Variants in OSBPL1A observed in about 807,000 individuals in gnomAD.
OSBPL1A encodes oxysterol binding protein like 1A.
Under a neutral mutation model 137.1 loss-of-function variants are expected in OSBPL1A, and 80 were observed. The observed-to-expected ratio is 0.58, with a 90% CI of 0.49 to 0.70. The LOEUF is 0.70. OSBPL1A is among the 30% of genes least tolerant of loss of function. OSBPL1A has a pLI of 0.00. For missense variants in OSBPL1A, 970 were observed against 1,129.4 expected, an observed-to-expected ratio of 0.86 and a Z score of 2.02; for synonymous variants, 365 against 389.7, an observed-to-expected ratio of 0.94 and a Z score of 0.75.
In OSBPL1A at chr18:24,280,699, A is replaced by C. The variant is rs2089938635; in HGVS notation, c.1281+143T>G. On this transcript the variant is annotated intron_variant, in intron 15 of 27. Coordinates refer to ENST00000319481, the MANE Select transcript of OSBPL1A (RefSeq NM_080597.4). The stretch of plus-strand genomic sequence containing the variant: ...GCTTAATCAATAATAAATAAGTTCT[A>C]AATTTTTGTGACAAATGAAGCTTTC... The C allele has an allele frequency of 6.3e-6, 3 of 478,576 alleles. No individual in the cohort carries two copies. The South Asian group carries it at 1.6e-4, about 25-fold the overall frequency. 29.6% of individuals were successfully genotyped at this position (478,576 alleles called of 1,614,324 possible).
At chr18:24,278,251 A>G (rs954600219) in intron 15 of OSBPL1A, among the ~76,000 whole-genome samples, 8 of 152,242 alleles carry the variant, frequency 5.3e-5, no homozygotes, top group Admixed American at 5.2e-4. Context: ...CAACACGATC[A>G]TTCCAATGAT....
intron 5 of OSBPL1A, among the ~76,000 whole-genome samples, chr18:24,335,190 T>G (rs2091154339): frequency 6.6e-6 from 1 of 152,250 alleles, no homozygotes; most frequent in African/African-American, 2.4e-5. Context: ...CTTGCCTATT[T>G]TTATATCTTT....
At chr18:24,314,162 G>T in intron 12 of OSBPL1A, 87 bp downstream of exon 12, 1 of 773,252 alleles carries the variant, frequency 1.3e-6, no homozygotes, top group Non-Finnish European at 2.1e-6. Context: ...CAAGATGTTG[G>T]ATGTTACCAC....
At chr18:24,273,771 G>C (rs1235594809) in intron 15 of OSBPL1A, among the ~76,000 whole-genome samples, 1 of 152,156 alleles carries the variant, frequency 6.6e-6, no homozygotes, top group Non-Finnish European at 1.5e-5. Context: ...AACTCATGGA[G>C]CAGCAGGGAC....
intron 19 of OSBPL1A, among the ~76,000 whole-genome samples, chr18:24,180,871 T>C (rs563827463): frequency 8.6e-5 from 13 of 151,096 alleles, no homozygotes; most frequent in Admixed American, 2.6e-4. Context: ...AGCGAGACTC[T>C]GTCTCACACA....
At chr18:24,257,909 C>T (rs2089330293) in intron 15 of OSBPL1A, among the ~76,000 whole-genome samples, 1 of 152,162 alleles carries the variant, frequency 6.6e-6, no homozygotes, top group Non-Finnish European at 1.5e-5. Flanking sequence ...AAATGCAAAT[C>T]AAACTACGAT....
intron 4 of OSBPL1A, chr18:24,364,776 C>T (rs2091677518): frequency 6.6e-6 from 1 of 151,986 alleles, no homozygotes; most frequent in South Asian, 2.1e-4. Flanking sequence ...AATCCCGACA[C>T]TCTGAGAGAC....
chr18:24,166,656 T>C lies in OSBPL1A; in HGVS notation c.2582A>G (p.Lys861Arg), dbSNP rs1307237784. ...CTTGGGAATCACACTCTCCATGTCT[T>C]TGTCTACTTCATTCAAAACCATTGC... ...SFAMVLNEVD[K>R]DMESVIPKTD... is the part of the protein sequence containing the mutation. Residue 861 changes from lysine to arginine, a missense_variant, in exon 26 of 28, where the codon AAA becomes AGA. Physicochemically the swap from Lys to Arg is conservative, Grantham distance 26. This residue lies in a region of OSBPL1A where 323 missense variants were observed against 456.8 expected (regional missense o/e 0.71). Coordinates refer to ENST00000319481, the MANE Select transcript of OSBPL1A (RefSeq NM_080597.4). 2 of 1,613,384 alleles carry C rather than the reference T, an allele frequency of 1.2e-6. No individual in the cohort carries two copies. Among genetic ancestry groups the C allele is most frequent in the Non-Finnish European group, 1.7e-6 (2 of 1,179,736 alleles).
rs751203006 is a variant in OSBPL1A at position 24,317,443 on chromosome 18, G to T, written c.733-43C>A. The T allele has an allele frequency of 1.9e-5, 28 of 1,450,116 alleles. No homozygotes were observed. The South Asian group carries it at 2.9e-4, about 15-fold the overall frequency. 89.8% of individuals were successfully genotyped at this position (1,450,116 alleles called of 1,614,324 possible). ...AAGATTTCCCAAGCTGACACATCTA[G>T]ATTCAAATGCTTGACTGATAAAAAG... On this transcript the variant is annotated intron_variant, in intron 9 of 27. Coordinates refer to ENST00000319481, the MANE Select transcript of OSBPL1A (RefSeq NM_080597.4).
chr18:24,175,107 T>TATATATATATATATATATATAC (rs1491489795), intron 21 of OSBPL1A, among the ~76,000 whole-genome samples: 1 of 23,186 alleles, frequency 4.3e-5, no homozygotes, highest in Non-Finnish European at 1.1e-4. Flanking sequence ...GCCATGTGTA[T>TATATATATATATATATATATAC]GTATATATAT....
intron 17 of OSBPL1A, among the ~76,000 whole-genome samples, chr18:24,223,220 G>A (rs2087949023): frequency 6.6e-6 from 1 of 152,108 alleles, no homozygotes; most frequent in South Asian, 2.1e-4. Context: ...CAAGAGGGAT[G>A]TGATAGCACT....
chr18:24,342,076 T>C (rs898779419), intron 4 of OSBPL1A, among the ~76,000 whole-genome samples: 1 of 152,214 alleles, frequency 6.6e-6, no homozygotes, highest in African/African-American at 2.4e-5. Context: ...TTAATCTTGA[T>C]ATTTAAACAA....
chr18:24,242,380 T>C (rs751608044), intron 15 of OSBPL1A, among the ~76,000 whole-genome samples: 8 of 148,588 alleles, frequency 5.4e-5, no homozygotes, highest in Non-Finnish European at 1.2e-4. Context: ...CTGGATGGAG[T>C]GACATCCAAA....
chr18:24,254,769 A>T (rs953335916), intron 15 of OSBPL1A, among the ~76,000 whole-genome samples: 6 of 152,174 alleles, frequency 3.9e-5, no homozygotes, highest in Non-Finnish European at 7.4e-5. Context: ...TTCACCTTAA[A>T]GAACTAGAAA....
At chr18:24,286,230 C>G (rs2090064291) in intron 14 of OSBPL1A, among the ~76,000 whole-genome samples, 1 of 152,166 alleles carries the variant, frequency 6.6e-6, no homozygotes, top group Non-Finnish European at 1.5e-5. Flanking sequence ...AATCAGTACT[C>G]TCTTTTCAAA....
At chr18:24,375,961 G>A (rs570616694) in intron 2 of OSBPL1A, among the ~76,000 whole-genome samples, 36 of 152,224 alleles carry the variant, frequency 2.4e-4, no homozygotes, top group Non-Finnish European at 3.7e-4. Context: ...TGTTCCTCCC[G>A]GTGGGCTCGT....
intron 1 of OSBPL1A, among the ~76,000 whole-genome samples, chr18:24,380,926 C>T (rs1422850230): frequency 2.1e-5 from 3 of 143,522 alleles, no homozygotes; most frequent in Non-Finnish European, 3.0e-5. Context: ...CACTCCAGCC[C>T]GGGCAATAAG....
chr18:24,287,155 A>G (rs1339153655), intron 14 of OSBPL1A, among the ~76,000 whole-genome samples: 1 of 152,218 alleles, frequency 6.6e-6, no homozygotes, highest in Non-Finnish European at 1.5e-5. Context: ...GTGAGGCAAT[A>G]AGGAAGTTAA....
At chr18:24,340,848 G>A (rs1037354247) in intron 5 of OSBPL1A, among the ~76,000 whole-genome samples, 1 of 152,100 alleles carries the variant, frequency 6.6e-6, no homozygotes, top group Non-Finnish European at 1.5e-5. Flanking sequence ...ACCTCTTACA[G>A]GTTGCACTGC....
Sources: allele counts gnomAD v4.1 joint callset (sites outside exome capture counted in the v4.1 genomes callset), GRCh38; gene constraint gnomAD v4.1.1; regional missense constraint gnomAD v4.1.1; transcripts MANE v1.5; gene names NCBI Gene and HGNC (gene_info 2026-07-23, HGNC 2026-07-21).